The following ENPP3 variants were observed in gnomAD, a reference collection of about 807,000 sequenced individuals.
The protein encoded by ENPP3 is ectonucleotide pyrophosphatase/phosphodiesterase 3.
A neutral mutation model predicts 117.8 loss-of-function variants in ENPP3; 104 were observed. That is an observed-to-expected ratio of 0.88 (90% CI 0.75 to 1.04). The LOEUF (loss-of-function observed/expected upper bound fraction) is 1.04. Among genes scored for constraint, ENPP3 ranks in the 50% least tolerant of loss-of-function variants. The pLI is 0.00. For missense variants in ENPP3, 1,026 were observed against 1,051.9 expected (o/e 0.98, Z 0.34); for synonymous variants, 380 against 349.9 (o/e 1.09, Z -0.96).
chr6:131,670,871 T>C (rs1585643767), intron 6 of ENPP3, among the ~76,000 whole-genome samples: 3 of 152,342 alleles, frequency 2.0e-5, no homozygotes, highest in East Asian at 3.9e-4. Context: ...CAAATTTCAA[T>C]GTCCATAAAG....
At chr6:131,680,017 T>G (rs1405734771) in intron 11 of ENPP3, among the ~76,000 whole-genome samples, 1 of 152,100 alleles carries the variant, frequency 6.6e-6, no homozygotes, top group Non-Finnish European at 1.5e-5. Context: ...CTAGAAAAAG[T>G]ACAATAAGAA....
intron 6 of ENPP3, among the ~76,000 whole-genome samples, chr6:131,670,697 T>A (rs546846924): frequency 2.0e-5 from 3 of 152,248 alleles, no homozygotes; most frequent in Non-Finnish European, 2.9e-5. Context: ...TTCATTGTGT[T>A]GCTCAGGTTG....
At chr6:131,737,490 A>G in intron 22 of ENPP3, 58 bp downstream of exon 22, 1 of 944,264 alleles carries the variant, frequency 1.1e-6, no homozygotes, top group South Asian at 1.5e-5. Flanking sequence ...TTGAACTTCC[A>G]AACTAAACAC....
At chr6:131,682,753 G>A (rs1487193882) in intron 11 of ENPP3, among the ~76,000 whole-genome samples, 1 of 152,172 alleles carries the variant, frequency 6.6e-6, no homozygotes, top group South Asian at 2.1e-4. Context: ...TGAGAGCATC[G>A]CTATGAAAAT....
chr6:131,746,928 A>G lies in ENPP3; in HGVS notation c.2600A>G (p.Tyr867Cys). The G allele has an allele frequency of 6.2e-7, 1 of 1,604,826 alleles. No individual in the cohort carries two copies. ...PVSEILQLKTYLPTFETTI is the reference protein window; with the variant it reads ...PVSEILQLKTCLPTFETTI The stretch of plus-strand genomic sequence containing the variant: ...TCTGAAATTTTGCAACTAAAGACAT[A>G]TTTACCAACATTTGAAACCACTATT... Residue 867 changes from tyrosine to cysteine, a missense_variant, in exon 25 of 25, where the codon TAT becomes TGT. Coordinates refer to ENST00000357639, the MANE Select transcript of ENPP3 (RefSeq NM_005021.5).
At chr6:131,665,907 G>A (rs1256757786) in intron 6 of ENPP3, among the ~76,000 whole-genome samples, 2 of 151,632 alleles carry the variant, frequency 1.3e-5, no homozygotes, top group Non-Finnish European at 2.9e-5. Flanking sequence ...TTTCATGTTC[G>A]TTCATTTTGT....
intron 20 of ENPP3, 30 bp from the exon 21 acceptor site, chr6:131,733,558 C>G: frequency 6.3e-7 from 1 of 1,596,822 alleles, no homozygotes; most frequent in South Asian, 1.1e-5. Context: ...CAATTGTGGG[C>G]GTAATTTTTT....
rs540011427 is a variant in ENPP3, at chr6:131,641,799, GTTTT to G, written c.154+290_154+293del. Among the ~76,000 whole-genome samples the G allele has an allele frequency of 3.8e-3, 241 of 63,998 alleles. 1 individual carries two copies. The highest frequency in any genetic ancestry group is 5.6e-3 in the Admixed American group (21 of 3,722). 42.0% of individuals were successfully genotyped at this position (63,998 alleles called of 152,430 possible). On this transcript the variant is annotated intron_variant, in intron 2 of 24. Transcript: ENST00000357639. ...TTTTCTCTTACCTTTCTCCACCCTG[GTTTT>G]TTTTTTTTTTTTTTTTTTTTGGCAA...
Position 131,709,636 on chromosome 6 carries a change from C to G in ENPP3, c.1413-9036C>G, listed in dbSNP as rs769410729. The stretch of plus-strand genomic sequence containing the variant: ...AGCTGCCAACCAATTATCATGTCCT[C>G]TTTTCTCGTAGGAAATAACCTGCTT... On this transcript the variant is annotated intron_variant, in intron 15 of 24. Transcript: ENST00000357639. 2.5e-6 allele frequency: 4 copies of G among 1,611,524 alleles called. No homozygotes were observed. Among genetic ancestry groups the G allele is most frequent in the Admixed American group, 1.7e-5 (1 of 59,806 alleles).
intron 2 of ENPP3, among the ~76,000 whole-genome samples, chr6:131,648,098 C>T (rs1562426174): frequency 3.3e-5 from 5 of 151,830 alleles, no homozygotes; most frequent in Admixed American, 3.3e-4. Context: ...CTGTATATCT[C>T]ATTGATTTGT....
chr6:131,731,991 A>G (rs1487626953), intron 20 of ENPP3, among the ~76,000 whole-genome samples: 1 of 152,182 alleles, frequency 6.6e-6, no homozygotes, highest in Non-Finnish European at 1.5e-5. Context: ...TTCAGCTCCT[A>G]CTTGTTCTAT....
At chr6:131,694,156 T>C (rs556323770) in intron 15 of ENPP3, among the ~76,000 whole-genome samples, 1 of 152,378 alleles carries the variant, frequency 6.6e-6, no homozygotes, top group Non-Finnish European at 1.5e-5. Context: ...AAACCACTTT[T>C]GACTTTGTGC....
chr6:131,655,803 A>T (rs534485375), intron 5 of ENPP3, among the ~76,000 whole-genome samples: 44 of 152,270 alleles, frequency 2.9e-4, no homozygotes, highest in African/African-American at 9.4e-4. Flanking sequence ...GTCAATCTTG[A>T]TGCAAGGCAA....
chr6:131,661,951 C>T (rs889574061), intron 6 of ENPP3, among the ~76,000 whole-genome samples: 2 of 152,136 alleles, frequency 1.3e-5, no homozygotes, highest in Non-Finnish European at 2.9e-5. Context: ...CTTTTGGCAT[C>T]ATGTTCATGA....
chr6:131,738,505 G>GA lies in ENPP3; in HGVS notation c.2300+350dup, dbSNP rs1034229875. On this transcript the variant is annotated intron_variant, in intron 23 of 24. Coordinates refer to ENST00000357639, the MANE Select transcript of ENPP3 (RefSeq NM_005021.5). Reference sequence around the variant, plus strand: ...GTATAAAACCAATCCAACAGTAAATGAAAAAAAAGTCGAGTAAAGGCTAAG... The same window carrying GA: ...GTATAAAACCAATCCAACAGTAAATGAAAAAAAAAGTCGAGTAAAGGCTAAG... Among the ~76,000 whole-genome samples the GA allele has an allele frequency of 6.0e-4, 89 of 148,222 alleles. 1 individual carries two copies. Among genetic ancestry groups the GA allele is most frequent in the East Asian group, 1.7e-3 (9 of 5,170 alleles).
chr6:131,743,143 G>C (rs980482326), intron 24 of ENPP3, among the ~76,000 whole-genome samples: 1 of 152,058 alleles, frequency 6.6e-6, no homozygotes, highest in Non-Finnish European at 1.5e-5. Context: ...AGATGAGAGA[G>C]AGGCAAAGAT....
intron 18 of ENPP3, among the ~76,000 whole-genome samples, chr6:131,723,273 GAAAT>G (rs1780075336): frequency 6.6e-6 from 1 of 152,080 alleles, no homozygotes; most frequent in African/African-American, 2.4e-5. Flanking sequence ...TTATACCACA[GAAAT>G]AAATAACCAA....
At chr6:131,702,434 A>C (rs1398826810) in intron 15 of ENPP3, among the ~76,000 whole-genome samples, 7 of 152,100 alleles carry the variant, frequency 4.6e-5, no homozygotes, top group Admixed American at 6.5e-5. Context: ...ATTTTTTGTT[A>C]TTTACTTTCC....
chr6:131,695,743 A>C (rs1779390871), intron 15 of ENPP3, among the ~76,000 whole-genome samples: 1 of 151,948 alleles, frequency 6.6e-6, no homozygotes, highest in African/African-American at 2.4e-5. Flanking sequence ...GTGAAACCCC[A>C]TCTCTACTAA....
Sources: allele counts gnomAD v4.1 joint callset (sites outside exome capture counted in the v4.1 genomes callset), GRCh38; gene constraint gnomAD v4.1.1; transcripts MANE v1.5; gene names NCBI Gene and HGNC (gene_info 2026-07-23, HGNC 2026-07-21).